The following CHAF1A variants were observed in gnomAD, a reference collection of about 807,000 sequenced individuals.
CHAF1A encodes chromatin assembly factor 1 subunit A.
In CHAF1A, 5 loss-of-function variants were observed where a neutral mutation model predicts 93.2. The ratio of observed to expected loss-of-function variants is 0.05; its 90% CI spans 0.03 to 0.11. The LOEUF (loss-of-function observed/expected upper bound fraction) is 0.11. CHAF1A is among the 10% of genes least tolerant of loss of function. CHAF1A has a pLI of 1.00. For missense variants in CHAF1A, 1,102 were observed against 1,259.9 expected (o/e 0.87, Z 1.90); for synonymous variants, 504 against 510.3 (o/e 0.99, Z 0.17).
At chr19:4,418,393 C>A (rs1265975261) in intron 4 of CHAF1A, among the ~76,000 whole-genome samples, 1 of 149,174 alleles carries the variant, frequency 6.7e-6, no homozygotes, top group East Asian at 2.0e-4. Context: ...CAGTCCATTT[C>A]CTTGTAGTCC....
rs377259547 is a variant in CHAF1A at position 4,418,066 on chromosome 19, G to C, written c.1007G>C (p.Arg336Thr). Reference protein sequence around the residue: ...VKGSTEKNKLRLQRDQERLGK... With the variant: ...VKGSTEKNKLTLQRDQERLGK... The stretch of plus-strand genomic sequence containing the variant: ...GGCTCTACAGAGAAGAACAAGCTCA[G>C]ACTGCAAAGAGTAAGACATTTTCCC... The change falls in exon 4 of 15, where the codon AGA (arginine) becomes ACA (threonine). Residue 336 changes from arginine (R) to threonine (T), a missense_variant. By Grantham distance (71) the Arg-to-Thr change is moderately conservative (BLOSUM62 -1). Coordinates refer to ENST00000301280, the MANE Select transcript of CHAF1A (RefSeq NM_005483.3). The C allele has an allele frequency of 6.2e-7, 1 of 1,602,908 alleles. No individual in the cohort carries two copies. The highest frequency in any genetic ancestry group is 1.3e-5 in the African/African-American group (1 of 74,654).
rs1974233643 is a variant in CHAF1A at position 4,433,758 on chromosome 19, T to C, written c.2673+219T>C. Among the ~76,000 whole-genome samples the C allele has an allele frequency of 1.3e-5, 2 of 151,906 alleles. No individual in the cohort carries two copies. The highest frequency in any genetic ancestry group is 4.8e-5 in the African/African-American group (2 of 41,384). ...CTGGGATTACAGGTGTACGCCACCA[T>C]GCCTGGCTAATTTTTGTATTTTTAG... On this transcript the variant is annotated intron_variant, in intron 13 of 14. Coordinates refer to ENST00000301280, the MANE Select transcript of CHAF1A (RefSeq NM_005483.3). This position sits in a 1 kb window ranked among gnomAD's most constrained non-coding sequence, Gnocchi z 5.6.
intron 12 of CHAF1A, 87 bp from the exon 13 acceptor site, chr19:4,432,983 A>G (rs1974214616): frequency 4.5e-6 from 5 of 1,107,038 alleles, no homozygotes; most frequent in Admixed American, 5.3e-5. Flanking sequence ...CTCGGTGGCA[A>G]TGAGCTTGTG....
In CHAF1A at chr19:4,402,761, C is replaced by A; in HGVS notation, c.-2C>A. On this transcript the variant is annotated 5_prime_UTR_variant, in exon 1 of 15. Coordinates refer to ENST00000301280, the MANE Select transcript of CHAF1A (RefSeq NM_005483.3). ...AGAGGAGGTCGAGCTGCCGCCGGGG[C>A]GATGCTGGAGGAGCTGGAGTGCGGG... 8.3e-7 allele frequency: 1 copy of A among 1,203,150 alleles called. No homozygotes were observed. Among genetic ancestry groups the A allele is most frequent in the Non-Finnish European group, 1.0e-6 (1 of 969,412 alleles). The allele number at this position is 1,203,150 out of a possible 1,614,324, so 74.5% of individuals were successfully genotyped here.
At chr19:4,446,023 C>T (rs777668045), downstream of CHAF1A, 18 of 1,594,280 alleles carry the variant, frequency 1.1e-5, no homozygotes, top group South Asian at 6.8e-5. Flanking sequence ...ATCGGGTCAG[C>T]GGTGCTCCTG....
Position 4,442,516 on chromosome 19 carries a change from C to T in CHAF1A, c.2770+175C>T, listed in dbSNP as rs572694444. 2.0e-5 allele frequency among the ~76,000 whole-genome samples: 3 copies of T among 152,346 alleles called. No homozygotes were observed. In the South Asian group the frequency reaches 6.2e-4, roughly 32 times the overall value. The stretch of plus-strand genomic sequence containing the variant: ...CCTCGGGCGGGCTGGGCCGTGGGTG[C>T]TGACCATGCCAGGCATCGTTCTGGC... On this transcript the variant is annotated intron_variant, in intron 14 of 14. Transcript: ENST00000301280.
chr19:4,423,142 C>A (rs1239995962), intron 5 of CHAF1A, among the ~76,000 whole-genome samples, 193 bp from the exon 6 acceptor site: 1 of 152,134 alleles, frequency 6.6e-6, no homozygotes, highest in East Asian at 1.9e-4. Flanking sequence ...ATTCTAGTCA[C>A]AGGAAGAATT....
chr19:4,431,983 G>C lies in CHAF1A; in HGVS notation c.1979G>C (p.Arg660Pro). ...ECADPENHKV[R>P]QKLKAKEWDE... ...GCCGACCCTGAGAACCATAAGGTCC[G>C]CCAGAAACTGAAGGCCAAGGAGTGG... The change falls in exon 12 of 15, where the codon CGC becomes CCC. Residue 660 changes from arginine (R) to proline (P), a missense_variant. Physicochemically the swap from Arg to Pro is moderately radical, Grantham distance 103. Transcript: ENST00000301280. 2 of 1,612,878 alleles carry C rather than the reference G, an allele frequency of 1.2e-6. No homozygotes were observed. The highest frequency in any genetic ancestry group is 1.3e-5 in the African/African-American group (1 of 74,982).
In CHAF1A at chr19:4,443,140, A is replaced by T. The variant is rs999671731; in HGVS notation, c.*115A>T. 1.6e-5 allele frequency: 12 copies of T among 742,832 alleles called. No homozygotes were observed. In the Admixed American group the frequency reaches 2.4e-4, roughly 15 times the overall value. 46.0% of individuals were successfully genotyped at this position (742,832 alleles called of 1,614,324 possible). ...TGTCCTGCTTCACGGACCTCCCCAAAGTGTGCAGAGTTCTATATAGGATGC... is the reference window on the plus strand; with the variant it reads ...TGTCCTGCTTCACGGACCTCCCCAATGTGTGCAGAGTTCTATATAGGATGC... On this transcript the variant is annotated 3_prime_UTR_variant, in exon 15 of 15. Transcript: ENST00000301280.
downstream of CHAF1A, chr19:4,446,625 G>A (rs377563623): frequency 3.2e-5 from 52 of 1,612,420 alleles, no homozygotes; most frequent in African/African-American, 3.3e-4. Context: ...TGGCGCGCAC[G>A]GGCTCCGCAG....
chr19:4,430,423 C>A, intron 10 of CHAF1A, 126 bp from the exon 11 acceptor site: 1 of 626,332 alleles, frequency 1.6e-6, no homozygotes, highest in Non-Finnish European at 2.9e-6. Flanking sequence ...GATGATCCGC[C>A]CACCTCAGCC....
At chr19:4,446,864 C>G, downstream of CHAF1A, 3 of 1,614,086 alleles carry the variant, frequency 1.9e-6, no homozygotes, top group Non-Finnish European at 2.5e-6. Context: ...GCAACACCTT[C>G]TGGAACCCAA....
chr19:4,410,911 TTTTA>T (rs1183749083), intron 3 of CHAF1A, among the ~76,000 whole-genome samples: 1 of 152,202 alleles, frequency 6.6e-6, no homozygotes, highest in Non-Finnish European at 1.5e-5. Flanking sequence ...GTTATTGATT[TTTTA>T]TTAGCACAAT....
the CHAF1A span, chr19:4,450,106 T>C: frequency 1.3e-5 from 2 of 151,266 alleles, no homozygotes; most frequent in Admixed American, 1.3e-4. Context: ...GCACCTGTAG[T>C]CCCAGCTACT....
intron 13 of CHAF1A, among the ~76,000 whole-genome samples, chr19:4,438,981 CA>C (rs1003962747): frequency 6.7e-6 from 1 of 148,294 alleles, no homozygotes; most frequent in Non-Finnish European, 1.5e-5. Context: ...GATTCTGTCT[CA>C]AAAAAAAAGC....
chr19:4,438,164 T>C (rs1156804419), intron 13 of CHAF1A, among the ~76,000 whole-genome samples: 3 of 152,142 alleles, frequency 2.0e-5, no homozygotes, highest in Admixed American at 2.0e-4. Flanking sequence ...AGATGATTTA[T>C]TGGGTACTAA....
At chr19:4,445,834 G>A (rs963532056), downstream of CHAF1A, 51 of 1,037,034 alleles carry the variant, frequency 4.9e-5, no homozygotes, top group South Asian at 3.0e-4. Flanking sequence ...GCACGTCACC[G>A]CTCCCATTTG....
At position 4,443,312 on chromosome 19, in the gene CHAF1A, T is replaced by C. The variant is rs1357112123; in HGVS notation, c.*287T>C. On this transcript the variant is annotated 3_prime_UTR_variant, in exon 15 of 15. Transcript: ENST00000301280. ...GTGGAATCCAATACTTGTAAATGAA[T>C]TGAAGCGTCAGGACCACCCGCCTGG... 2.4e-6 allele frequency: 1 copy of C among 408,986 alleles called. No individual in the cohort carries two copies. Among genetic ancestry groups the C allele is most frequent in the South Asian group, 2.4e-5 (1 of 41,948 alleles). The allele number at this position is 408,986 out of a possible 1,614,324, so 25.3% of individuals were successfully genotyped here.
rs1974285961 is a variant in CHAF1A, at chr19:4,436,513, T to C, written c.2673+2974T>C. 2.6e-5 allele frequency among the ~76,000 whole-genome samples: 4 copies of C among 152,310 alleles called. No homozygotes were observed. The South Asian group carries it at 8.3e-4, about 32-fold the overall frequency. On this transcript the variant is annotated intron_variant, in intron 13 of 14. Coordinates refer to ENST00000301280, the MANE Select transcript of CHAF1A (RefSeq NM_005483.3). ...CTTTGTTCAAGCCCTGTGTGAGCAG[T>C]GCCTTTCCCTGGTCACCTGAGCAGC... is the stretch of plus-strand genomic sequence containing the variant.
Sources: allele counts gnomAD v4.1 joint callset (sites outside exome capture counted in the v4.1 genomes callset), GRCh38; gene constraint gnomAD v4.1.1; non-coding constraint Gnocchi (gnomAD v3.1); transcripts MANE v1.5; gene names NCBI Gene and HGNC (gene_info 2026-07-23, HGNC 2026-07-21).